Variants in CYP4F8 observed in about 807,000 individuals in gnomAD.
The protein encoded by CYP4F8 is cytochrome P450 4F8.
CYP4F8 carries 56 observed loss-of-function variants against 55.0 expected under a neutral mutation model. That is an observed-to-expected ratio of 1.02 (90% CI 0.82 to 1.27). The LOEUF is 1.27. Among genes scored for constraint, CYP4F8 ranks in the 50% most tolerant of loss-of-function variants. The pLI is 0.00. For synonymous variants in CYP4F8, 288 were observed against 267.3 expected (o/e 1.08, Z -0.76); for missense variants, 680 against 682.4 (o/e 1.00, Z 0.04).
At position 15,630,060 on chromosome 19, in the gene CYP4F8, T is replaced by A. The variant is rs1250961264; in HGVS notation, c.*702T>A. The stretch of plus-strand genomic sequence containing the variant: ...AATTGTATTTTTAGTACAGATGGGG[T>A]TTTGCTATGTTGGCCAGGCTGGTCT... On this transcript the variant is annotated 3_prime_UTR_variant, in exon 13 of 13. Transcript: ENST00000612078. 6.7e-6 allele frequency: 1 copy of A among 149,446 alleles called. No individual in the cohort carries two copies. Among genetic ancestry groups the A allele is most frequent in the Non-Finnish European group, 1.5e-5 (1 of 66,264 alleles). The allele number at this position is 149,446 out of a possible 1,614,324, so 9.3% of individuals were successfully genotyped here.
intron 5 of CYP4F8, among the ~76,000 whole-genome samples, chr19:15,621,332 C>T (rs1568383030): frequency 6.6e-6 from 1 of 152,168 alleles, no homozygotes; most frequent in Non-Finnish European, 1.5e-5. Flanking sequence ...TCGAGACCAG[C>T]CTGGCCAACA....
intron 3 of CYP4F8, 107 bp downstream of exon 3, chr19:15,618,251 T>C: frequency 6.6e-7 from 1 of 1,525,254 alleles, no homozygotes; most frequent in Non-Finnish European, 9.1e-7. Context: ...GCCCCTTCCT[T>C]CCTGCTTCTC....
chr19:15,619,460 A>G lies in CYP4F8; in HGVS notation c.344-30A>G, dbSNP rs778335686. 89 of 1,613,564 alleles carry G rather than the reference A, an allele frequency of 5.5e-5. No homozygotes were observed. In the East Asian group the frequency reaches 1.8e-3, roughly 34 times the overall value. Reference sequence around the variant, plus strand: ...CAAAGTCCCTCCTCTATTCCTCTCCATGGACCCTGATGGTCCTCATTCATG... The same window carrying G: ...CAAAGTCCCTCCTCTATTCCTCTCCGTGGACCCTGATGGTCCTCATTCATG... On this transcript the variant is annotated intron_variant, in intron 3 of 12. Transcript: ENST00000612078.
Position 15,622,206 on chromosome 19 carries a change from C to A in CYP4F8, c.526-13C>A, listed in dbSNP as rs532539289. ...CAAGGCCTGGCCCCAGCCCTGCTCCCTTCTCTGGCCAGGCCAAGTGGCAAC... is the reference window on the plus strand; with the variant it reads ...CAAGGCCTGGCCCCAGCCCTGCTCCATTCTCTGGCCAGGCCAAGTGGCAAC... On this transcript the variant is annotated splice_polypyrimidine_tract_variant and intron_variant, in intron 5 of 12. Coordinates refer to ENST00000612078, the MANE Select transcript of CYP4F8 (RefSeq NM_007253.4). 6.2e-7 allele frequency: 1 copy of A among 1,612,090 alleles called. No homozygotes were observed. The highest frequency in any genetic ancestry group is 1.1e-5 in the South Asian group (1 of 90,952).
At chr19:15,618,339 C>A in intron 3 of CYP4F8, 195 bp downstream of exon 3, 1 of 912,138 alleles carries the variant, frequency 1.1e-6, no homozygotes, top group Non-Finnish European at 1.7e-6. Context: ...GCCATCTTCC[C>A]CACCTCCGTG....
At chr19:15,617,344 A>G (rs949011199) in intron 2 of CYP4F8, among the ~76,000 whole-genome samples, 5 of 152,146 alleles carry the variant, frequency 3.3e-5, no homozygotes, top group African/African-American at 1.2e-4. Context: ...GATTACCCCT[A>G]TGTGCGCAGA....
intron 7 of CYP4F8, 145 bp from the exon 8 acceptor site, chr19:15,623,554 A>T: frequency 1.0e-5 from 10 of 999,194 alleles, no homozygotes; most frequent in Non-Finnish European, 1.4e-5. Flanking sequence ...TGGGAAGAAC[A>T]AACAGGAGGT....
intron 8 of CYP4F8, 40 bp downstream of exon 8, chr19:15,623,805 C>A (rs112201993): frequency 6.2e-7 from 1 of 1,610,762 alleles, no homozygotes; most frequent in Non-Finnish European, 8.5e-7. Flanking sequence ...GGACAGGGGT[C>A]TCTCCACTCC....
chr19:15,620,557 A>AT (rs1161188628), intron 5 of CYP4F8, among the ~76,000 whole-genome samples: 13 of 151,944 alleles, frequency 8.6e-5, no homozygotes, highest in African/African-American at 3.1e-4. Context: ...TGCCCAACTA[A>AT]TTTTTTGTAT....
intron 2 of CYP4F8, among the ~76,000 whole-genome samples, chr19:15,616,097 C>CTCCTCACTCACTCATTCCTCTCCTCA (rs1555736595): frequency 1.6e-5 from 1 of 64,516 alleles, no homozygotes; most frequent in Non-Finnish European, 3.3e-5. Flanking sequence ...CACTCATTCT[C>CTCCTCACTCACTCATTCCTCTCCTCA]CTCACTCATT....
chr19:15,615,734 G>A lies in CYP4F8; in HGVS notation c.118G>A (p.Ala40Thr). 6.2e-7 allele frequency: 1 copy of A among 1,614,068 alleles called. No individual in the cohort carries two copies. Among genetic ancestry groups the A allele is most frequent in the Non-Finnish European group, 8.5e-7 (1 of 1,179,986 alleles). ...GGCCCGCATCCTGGCCTGGACCTAT[G>A]CCTTCTATCACAACGGCCGCCGCCT... ...LLARILAWTYAFYHNGRRLRC... is the reference protein window; with the variant it reads ...LLARILAWTYTFYHNGRRLRC... The change falls in exon 2 of 13, where the codon GCC becomes ACC. Residue 40 changes from alanine to threonine, a missense_variant. Coordinates refer to ENST00000612078, the MANE Select transcript of CYP4F8 (RefSeq NM_007253.4).
chr19:15,628,137 C>T, intron 9 of CYP4F8, 165 bp from the exon 10 acceptor site: 1 of 1,005,272 alleles, frequency 9.9e-7, no homozygotes, highest in Non-Finnish European at 1.4e-6. Flanking sequence ...GTCAACTTTT[C>T]TTCTAGTAGT....
intron 3 of CYP4F8, 191 bp downstream of exon 3, chr19:15,618,335 T>G: frequency 1.1e-6 from 1 of 913,332 alleles, no homozygotes; most frequent in Non-Finnish European, 1.7e-6. Context: ...TGCTGCCATC[T>G]TCCCCACCTC....
At chr19:15,623,013 A>G in intron 6 of CYP4F8, 92 bp from the exon 7 acceptor site, 2 of 1,440,572 alleles carry the variant, frequency 1.4e-6, no homozygotes, top group Non-Finnish European at 1.9e-6. Flanking sequence ...CCCTTTCTGC[A>G]TGGAATGTGG....
At chr19:15,620,531 C>G (rs1972180377) in intron 5 of CYP4F8, among the ~76,000 whole-genome samples, 3 of 152,138 alleles carry the variant, frequency 2.0e-5, no homozygotes, top group Admixed American at 2.0e-4. Flanking sequence ...GATGGAATTA[C>G]AGGCGCCCAC....
chr19:15,618,293 T>G, intron 3 of CYP4F8, 149 bp downstream of exon 3: 1 of 1,179,546 alleles, frequency 8.5e-7, no homozygotes, highest in Non-Finnish European at 1.2e-6. Flanking sequence ...CTTCCTGTAG[T>G]CACCAACCCC....
chr19:15,628,647 C>G, intron 11 of CYP4F8, 52 bp downstream of exon 11: 4 of 1,607,550 alleles, frequency 2.5e-6, no homozygotes, highest in Non-Finnish European at 3.4e-6. Context: ...GGGGAGGGGT[C>G]TTGTCCCGGA....
chr19:15,619,466 C>T (rs747712190), intron 3 of CYP4F8, 24 bp from the exon 4 acceptor site: 181 of 1,613,792 alleles, frequency 1.1e-4, no homozygotes, highest in Non-Finnish European at 1.4e-4. Flanking sequence ...CTCCATGGAC[C>T]CTGATGGTCC....
chr19:15,623,358 G>A lies in CYP4F8; in HGVS notation c.901G>A (p.Val301Met), dbSNP rs748773223. ...GTCCAAGACTTTGGACTTTATTGAT[G>A]TGCTCCTGCTGAGCGAGGTGGGCCT... The part of the protein sequence containing the change: ...AKSKTLDFID[V>M]LLLSEDKNGK... Residue 301 changes from valine to methionine, a missense_variant, in exon 7 of 13, where the codon GTG becomes ATG. Val to Met is a conservative substitution (Grantham distance 21). Transcript: ENST00000612078. 1.1e-5 allele frequency: 17 copies of A among 1,613,742 alleles called. No homozygotes were observed. The South Asian group carries it at 1.5e-4, about 15-fold the overall frequency.
Sources: allele counts gnomAD v4.1 joint callset (sites outside exome capture counted in the v4.1 genomes callset), GRCh38; gene constraint gnomAD v4.1.1; transcripts MANE v1.5; gene names NCBI Gene and HGNC (gene_info 2026-07-23, HGNC 2026-07-21).